OR2A5: variants seen among roughly 807,000 people sequenced by gnomAD.
OR2A5 encodes olfactory receptor 2A5.
In OR2A5, 2 loss-of-function variants were observed where a neutral mutation model predicts 1.9. The ratio of observed to expected loss-of-function variants is 1.04; its 90% CI spans 0.43 to 3.28. The LOEUF is 3.28. OR2A5 is among the 30% of genes most tolerant of loss of function. The probability of loss-of-function intolerance (pLI) is 0.08; values close to 1 mark genes in which losing one functional copy is unlikely to be tolerated. For missense variants in OR2A5, 391 were observed against 375.9 expected (o/e 1.04, Z -0.33); for synonymous variants, 160 against 154.5 (o/e 1.04, Z -0.26).
In OR2A5 at chr7:144,054,852, C is replaced by G. The variant is rs957601433; in HGVS notation, c.*3515C>G. 1.3e-5 allele frequency: 2 copies of G among 152,174 alleles called. No homozygotes were observed. Among genetic ancestry groups the G allele is most frequent in the Non-Finnish European group, 2.9e-5 (2 of 68,006 alleles). The allele number at this position is 152,174 out of a possible 1,614,324, so 9.4% of individuals were successfully genotyped here. On this transcript the variant is annotated 3_prime_UTR_variant, in exon 2 of 2. Transcript: ENST00000641693. ...CTAAGAATTCTCATCAACTGTGTAT[C>G]TAGAATAGCTCCTCTAGGAAATCTC... is the stretch of plus-strand genomic sequence containing the variant.
rs958147347 is a variant in OR2A5 at position 144,053,436 on chromosome 7, T to C, written c.*2099T>C. ...AGTGAAAGAAACAATTGCATTGTTT[T>C]AGGCTGCAAGTTCTACTGACTGCTT... On this transcript the variant is annotated 3_prime_UTR_variant, in exon 2 of 2. Transcript: ENST00000641693. The C allele has an allele frequency of 2.0e-5, 3 of 152,238 alleles. No homozygotes were observed. The highest frequency in any genetic ancestry group is 4.4e-5 in the Non-Finnish European group (3 of 68,038). 9.4% of individuals were successfully genotyped at this position (152,238 alleles called of 1,614,324 possible).
rs1421821833 is a variant in OR2A5, at chr7:144,050,637, A to G, written c.236A>G (p.Lys79Arg). Residue 79 changes from lysine (K) to arginine (R), a missense_variant, in exon 2 of 2, where the codon AAG becomes AGG. Lys to Arg is a conservative substitution (Grantham distance 26). Coordinates refer to ENST00000641693, the MANE Select transcript of OR2A5 (RefSeq NM_012365.2). ...DISYASNNVP[K>R]MLTNLGLNKR... ...TCGTATGCTTCCAACAATGTCCCCA[A>G]GATGCTGACAAACCTTGGCTTGAAC... 4 of 1,613,736 alleles carry G rather than the reference A, an allele frequency of 2.5e-6. No individual in the cohort carries two copies. Among genetic ancestry groups the G allele is most frequent in the Admixed American group, 1.7e-5 (1 of 59,982 alleles).
Position 144,056,314 on chromosome 7 carries a change from C to G in OR2A5, c.*4977C>G, listed in dbSNP as rs1268643902. 1 of 152,336 alleles carries G rather than the reference C, an allele frequency of 6.6e-6. No individual in the cohort carries two copies. Among genetic ancestry groups the G allele is most frequent in the Non-Finnish European group, 1.5e-5 (1 of 68,166 alleles). 9.4% of individuals were successfully genotyped at this position (152,336 alleles called of 1,614,324 possible). On this transcript the variant is annotated 3_prime_UTR_variant, in exon 2 of 2. Coordinates refer to ENST00000641693, the MANE Select transcript of OR2A5 (RefSeq NM_012365.2). ...TGAGAACCCAGGCCCTGCGCTGCAACCAAATGTGGAATCCAGACACCCACT... is the reference window on the plus strand; with the variant it reads ...TGAGAACCCAGGCCCTGCGCTGCAAGCAAATGTGGAATCCAGACACCCACT...
Position 144,051,165 on chromosome 7 carries a change from C to T in OR2A5, c.764C>T (p.Ala255Val), listed in dbSNP as rs1016779536. ...LCMVGLFFGS[A>V]IVMYMAPKSR... ...ATGGTGGGACTCTTCTTTGGCAGCG[C>T]CATTGTCATGTACATGGCCCCCAAG... The change falls in exon 2 of 2, where the codon GCC becomes GTC. Residue 255 changes from alanine (A) to valine (V), a missense_variant. Coordinates refer to ENST00000641693, the MANE Select transcript of OR2A5 (RefSeq NM_012365.2). The T allele has an allele frequency of 6.2e-7, 1 of 1,614,158 alleles. No homozygotes were observed. The highest frequency in any genetic ancestry group is 1.3e-5 in the African/African-American group (1 of 75,046).
rs2050924504 is a variant in OR2A5, at chr7:144,054,292, T to C, written c.*2955T>C. The C allele has an allele frequency of 6.6e-6, 1 of 152,242 alleles. No homozygotes were observed. Among genetic ancestry groups the C allele is most frequent in the South Asian group, 2.1e-4 (1 of 4,836 alleles). 9.4% of individuals were successfully genotyped at this position (152,242 alleles called of 1,614,324 possible). The stretch of plus-strand genomic sequence containing the variant: ...CAGATGTGGCTAACAAGGTTTCAGC[T>C]AGGTGCCTTATATAACTTTTATGAA... On this transcript the variant is annotated 3_prime_UTR_variant, in exon 2 of 2. Coordinates refer to ENST00000641693, the MANE Select transcript of OR2A5 (RefSeq NM_012365.2).
intron 1 of OR2A5, among the ~76,000 whole-genome samples, chr7:144,049,522 A>G (rs1276084787): frequency 6.6e-6 from 1 of 152,202 alleles, no homozygotes; most frequent in African/African-American, 2.4e-5. Flanking sequence ...CCATCCATCC[A>G]TCAATTCATC....
rs2050933493 is a variant in OR2A5, at chr7:144,055,572, A to G, written c.*4235A>G. 1 of 152,210 alleles carries G rather than the reference A, an allele frequency of 6.6e-6. No individual in the cohort carries two copies. The allele number at this position is 152,210 out of a possible 1,614,324, so 9.4% of individuals were successfully genotyped here. A position where few individuals can be genotyped will look rare whatever the true frequency, so the allele number is the denominator to read the frequency against. On this transcript the variant is annotated 3_prime_UTR_variant, in exon 2 of 2. Transcript: ENST00000641693. Reference sequence around the variant, plus strand: ...TCTTGTTCTTCCGAGGATTCAGCAGAGTCATCAAAAGAAAATATTCAAGTA... The same window carrying G: ...TCTTGTTCTTCCGAGGATTCAGCAGGGTCATCAAAAGAAAATATTCAAGTA...
At position 144,051,017 on chromosome 7, in the gene OR2A5, A is replaced by T. The variant is rs2050899986; in HGVS notation, c.616A>T (p.Ile206Phe). The change falls in exon 2 of 2, where the codon ATC (isoleucine) becomes TTC (phenylalanine). Residue 206 changes from isoleucine (I) to phenylalanine (F), a missense_variant. Ile to Phe is a conservative substitution (Grantham distance 21). Transcript: ENST00000641693. ...GGTCATCTTTGCTGCTTCAGTGTTC[A>T]TCCTGGTGGGGCCGCTCTGCCTGGT... is the stretch of plus-strand genomic sequence containing the variant. ...QVVIFAASVF[I>F]LVGPLCLVLV... 11 of 1,613,972 alleles carry T rather than the reference A, an allele frequency of 6.8e-6. No individual in the cohort carries two copies. The highest frequency in any genetic ancestry group is 9.3e-6 in the Non-Finnish European group (11 of 1,180,016).
rs2050932239 is a variant in OR2A5, at chr7:144,055,450, GA to G, written c.*4114del. The G allele has an allele frequency of 1.3e-5, 2 of 152,090 alleles. No homozygotes were observed. Among genetic ancestry groups the G allele is most frequent in the Admixed American group, 1.3e-4 (2 of 15,274 alleles). 9.4% of individuals were successfully genotyped at this position (152,090 alleles called of 1,614,324 possible). A position where few individuals can be genotyped will look rare whatever the true frequency, so the allele number is the denominator to read the frequency against. On this transcript the variant is annotated 3_prime_UTR_variant, in exon 2 of 2. Transcript: ENST00000641693. Reference sequence around the variant, plus strand: ...TAATAAACTTTTTCATCTTTTTAATGAGGGGCGGAGTTTAACCTGATTTTAA... The same window carrying G: ...TAATAAACTTTTTCATCTTTTTAATGGGGGCGGAGTTTAACCTGATTTTAA...
Position 144,058,083 on chromosome 7 carries a change from A to T in OR2A5, c.*6746A>T, listed in dbSNP as rs1031095302. 1.3e-5 allele frequency: 2 copies of T among 152,100 alleles called. No individual in the cohort carries two copies. Among genetic ancestry groups the T allele is most frequent in the African/African-American group, 4.8e-5 (2 of 41,386 alleles). 9.4% of individuals were successfully genotyped at this position (152,100 alleles called of 1,614,324 possible). ...GTAGCAGGCAATACGTCTGTCATCC[A>T]CTCCTCAGTGGCTTCACCAGCCTTT... On this transcript the variant is annotated 3_prime_UTR_variant, in exon 2 of 2. Transcript: ENST00000641693.
In OR2A5 at chr7:144,051,005, G is replaced by T. The variant is rs6464573; in HGVS notation, c.604G>T (p.Ala202Ser). The T allele has an allele frequency of 0.31, 499,279 of 1,613,960 alleles. 81,549 individuals carry two copies. The highest frequency in any genetic ancestry group is 0.48 in the African/African-American group (35,880 of 74,948). The part of the protein sequence containing the change: ...TWLNQVVIFA[A>S]SVFILVGPLC... The stretch of plus-strand genomic sequence containing the variant: ...GCTCAACCAGGTGGTCATCTTTGCT[G>T]CTTCAGTGTTCATCCTGGTGGGGCC... Residue 202 changes from alanine (A) to serine (S), a missense_variant, in exon 2 of 2, where the codon GCT becomes TCT. Transcript: ENST00000641693.
In OR2A5 at chr7:144,051,257, A is replaced by T. The variant is rs769044170; in HGVS notation, c.856A>T (p.Asn286Tyr). The T allele has an allele frequency of 4.3e-6, 7 of 1,613,806 alleles. No individual in the cohort carries two copies. In the South Asian group the frequency reaches 4.4e-5, roughly 10 times the overall value. Residue 286 changes from asparagine to tyrosine, a missense_variant, in exon 2 of 2, where the codon AAC (asparagine) becomes TAC (tyrosine). Asn to Tyr is a moderately radical substitution (Grantham distance 143). Transcript: ENST00000641693. The part of the protein sequence containing the change: ...LFYSLFNPML[N>Y]PLIYSLRNAE... ...TTACAGCCTTTTCAACCCGATGCTG[A>T]ACCCCTTGATCTATAGCCTGAGGAA...
At position 144,050,436 on chromosome 7, in the gene OR2A5, T is replaced by C; in HGVS notation, c.35T>C (p.Ile12Thr). 1 of 1,543,756 alleles carries C rather than the reference T, an allele frequency of 6.5e-7. No individual in the cohort carries two copies. The highest frequency in any genetic ancestry group is 1.3e-5 in the South Asian group (1 of 77,204). ...AATCAGACATGGGTCACAGAATTCA[T>C]TCTCCTGGGATTTCCACTCAGCCTA... ...TKNQTWVTEF[I>T]LLGFPLSLRI... The change falls in exon 2 of 2, where the codon ATT becomes ACT. Residue 12 changes from isoleucine to threonine, a missense_variant. Transcript: ENST00000641693.
In OR2A5 at chr7:144,053,479, T is replaced by C. The variant is rs1207103848; in HGVS notation, c.*2142T>C. The C allele has an allele frequency of 1.3e-5, 2 of 152,216 alleles. No homozygotes were observed. The highest frequency in any genetic ancestry group is 4.8e-5 in the African/African-American group (2 of 41,458). 9.4% of individuals were successfully genotyped at this position (152,216 alleles called of 1,614,324 possible). A position where few individuals can be genotyped will look rare whatever the true frequency, so the allele number is the denominator to read the frequency against. On this transcript the variant is annotated 3_prime_UTR_variant, in exon 2 of 2. Coordinates refer to ENST00000641693, the MANE Select transcript of OR2A5 (RefSeq NM_012365.2). ...GACTGCTTCACAAATGTTACCCCGT[T>C]TATCTTGCATAAACATCACAATGGA...
rs911585189 is a variant in OR2A5 at position 144,054,859 on chromosome 7, A to C, written c.*3522A>C. 6.6e-6 allele frequency: 1 copy of C among 152,226 alleles called. No individual in the cohort carries two copies. Among genetic ancestry groups the C allele is most frequent in the African/African-American group, 2.4e-5 (1 of 41,450 alleles). 9.4% of individuals were successfully genotyped at this position (152,226 alleles called of 1,614,324 possible). Reference sequence around the variant, plus strand: ...TTCTCATCAACTGTGTATCTAGAATAGCTCCTCTAGGAAATCTCAGTCTCT... The same window carrying C: ...TTCTCATCAACTGTGTATCTAGAATCGCTCCTCTAGGAAATCTCAGTCTCT... On this transcript the variant is annotated 3_prime_UTR_variant, in exon 2 of 2. Coordinates refer to ENST00000641693, the MANE Select transcript of OR2A5 (RefSeq NM_012365.2).
At position 144,053,679 on chromosome 7, in the gene OR2A5, C is replaced by T. The variant is rs2050920168; in HGVS notation, c.*2342C>T. 6.6e-6 allele frequency: 1 copy of T among 152,228 alleles called. No individual in the cohort carries two copies. 9.4% of individuals were successfully genotyped at this position (152,228 alleles called of 1,614,324 possible). On this transcript the variant is annotated 3_prime_UTR_variant, in exon 2 of 2. Transcript: ENST00000641693. Reference sequence around the variant, plus strand: ...CAAAACATTACAAATTTTAGCTCAACAGGGGTTAGACTCAACATCCACATG... The same window carrying T: ...CAAAACATTACAAATTTTAGCTCAATAGGGGTTAGACTCAACATCCACATG...
rs2050949558 is a variant in OR2A5, at chr7:144,057,502, GA to G, written c.*6167del. On this transcript the variant is annotated 3_prime_UTR_variant, in exon 2 of 2. Transcript: ENST00000641693. ...AAAAGAAAATAATAAAACCTTCAGA[GA>G]ATAAAAGAATAGCTACAAAAGAATA... 1 of 152,102 alleles carries G rather than the reference GA, an allele frequency of 6.6e-6. No individual in the cohort carries two copies. Among genetic ancestry groups the G allele is most frequent in the South Asian group, 2.1e-4 (1 of 4,828 alleles). The allele number at this position is 152,102 out of a possible 1,614,324, so 9.4% of individuals were successfully genotyped here.
chr7:144,058,782 A>T lies in OR2A5; in HGVS notation c.*7445A>T, dbSNP rs189005280. On this transcript the variant is annotated 3_prime_UTR_variant, in exon 2 of 2. Coordinates refer to ENST00000641693, the MANE Select transcript of OR2A5 (RefSeq NM_012365.2). ...CATGGTGGCACGTGCTTGTAGTCCC[A>T]GCTACCTGGGAGGCTGAGGCAGAAG... is the stretch of plus-strand genomic sequence containing the variant. The T allele has an allele frequency of 1.2e-4, 19 of 152,484 alleles. No individual in the cohort carries two copies. The highest frequency in any genetic ancestry group is 4.3e-4 in the African/African-American group (18 of 41,572). The allele number at this position is 152,484 out of a possible 1,614,324, so 9.4% of individuals were successfully genotyped here. A position where few individuals can be genotyped will look rare whatever the true frequency, so the allele number is the denominator to read the frequency against.
Position 144,051,533 on chromosome 7 carries a change from C to T in OR2A5, c.*196C>T, listed in dbSNP as rs142196248. 5.3e-4 allele frequency: 297 copies of T among 563,240 alleles called. 1 individual carries two copies. The highest frequency in any genetic ancestry group is 4.9e-3 in the African/African-American group (264 of 53,462). The allele number at this position is 563,240 out of a possible 1,614,324, so 34.9% of individuals were successfully genotyped here. ...CAGACAGGCGCTGAGCCGTGTGGTG[C>T]AGCAGAGGTGCAAAGTGCCATGAAC... On this transcript the variant is annotated 3_prime_UTR_variant, in exon 2 of 2. Transcript: ENST00000641693.
Sources: allele counts gnomAD v4.1 joint callset (sites outside exome capture counted in the v4.1 genomes callset), GRCh38; gene constraint gnomAD v4.1.1; transcripts MANE v1.5; gene names NCBI Gene and HGNC (gene_info 2026-07-23, HGNC 2026-07-21).